BACH1: variants seen among roughly 807,000 people sequenced by gnomAD.
BACH1 encodes transcription regulator protein BACH1.
BACH1 carries 35 observed loss-of-function variants against 52.9 expected under a neutral mutation model. The ratio of observed to expected loss-of-function variants is 0.66; its 90% CI spans 0.51 to 0.88. The LOEUF (loss-of-function observed/expected upper bound fraction) is 0.88. BACH1 is among the 40% of genes least tolerant of loss of function. The pLI is 0.00. For missense variants in BACH1, 808 were observed against 872.6 expected (o/e 0.93, Z 0.93); for synonymous variants, 321 against 319.6 (o/e 1.00, Z -0.05).
At chr21:29,331,044 A>G (rs1019846628) in intron 4 of BACH1, among the ~76,000 whole-genome samples, 2 of 151,986 alleles carry the variant, frequency 1.3e-5, no homozygotes, top group African/African-American at 2.4e-5. Context: ...TTTCAATTCT[A>G]TAGTACTTAG....
chr21:29,349,106 A>T (rs1023994494), downstream of BACH1, among the ~76,000 whole-genome samples: 3 of 152,018 alleles, frequency 2.0e-5, no homozygotes, highest in Non-Finnish European at 2.9e-5. Flanking sequence ...AAAAAAAAAA[A>T]AAATCTATCT....
At chr21:29,316,689 T>C (rs576154929) in intron 1 of BACH1, among the ~76,000 whole-genome samples, 4 of 152,332 alleles carry the variant, frequency 2.6e-5, no homozygotes, top group African/African-American at 7.2e-5. Context: ...GGAGAAATGA[T>C]TTTCAGAACA....
chr21:29,324,655 A>G (rs2088889881), intron 2 of BACH1, among the ~76,000 whole-genome samples: 1 of 151,732 alleles, frequency 6.6e-6, no homozygotes, highest in Admixed American at 6.6e-5. Context: ...GGCTATCACA[A>G]ATAAAATTGC....
At chr21:29,321,723 A>G (rs1338741692) in intron 2 of BACH1, among the ~76,000 whole-genome samples, 2 of 149,916 alleles carry the variant, frequency 1.3e-5, no homozygotes, top group South Asian at 2.1e-4. Context: ...GCAGTTGGAT[A>G]TAACATAACA....
chr21:29,350,012 A>ACT (rs1304442066), downstream of BACH1, among the ~76,000 whole-genome samples: 2 of 151,980 alleles, frequency 1.3e-5, no homozygotes, highest in Non-Finnish European at 2.9e-5. Context: ...GCCTAAGGAG[A>ACT]CCAGTTAGGG....
chr21:29,327,373 G>C lies in BACH1; in HGVS notation c.1549G>C (p.Ala517Pro), dbSNP rs1193634295. The change falls in exon 3 of 5, where the codon GCC (alanine) becomes CCC (proline). Residue 517 changes from alanine to proline, a missense_variant. Physicochemically the swap from Ala to Pro is conservative, Grantham distance 27. Transcript: ENST00000286800. ...CGAAGGAGACAGTGAATCCTGTTCAGCCAGAGAACAAGAATGTGAGGTGAG... is the reference window on the plus strand; with the variant it reads ...CGAAGGAGACAGTGAATCCTGTTCACCCAGAGAACAAGAATGTGAGGTGAG... ...DTEGDSESCS[A>P]REQECEVKLP... The C allele has an allele frequency of 1.2e-6, 2 of 1,613,330 alleles. No homozygotes were observed. The highest frequency in any genetic ancestry group is 2.2e-5 in the South Asian group (2 of 91,046).
chr21:29,361,449 T>G (rs997800482), intron 2 of BACH1: 2 of 152,198 alleles, frequency 1.3e-5, no homozygotes, highest in Non-Finnish European at 2.9e-5. Context: ...TATTTTTTTT[T>G]GTCTAGCTTT....
At chr21:29,331,982 C>T (rs1287811136) in intron 4 of BACH1, among the ~76,000 whole-genome samples, 1 of 152,164 alleles carries the variant, frequency 6.6e-6, no homozygotes, top group Non-Finnish European at 1.5e-5. Context: ...CTCACTGCAA[C>T]TTCCGCTTCC....
At chr21:29,331,544 A>G (rs1040153165) in intron 4 of BACH1, among the ~76,000 whole-genome samples, 3 of 152,170 alleles carry the variant, frequency 2.0e-5, no homozygotes, top group African/African-American at 7.2e-5. Context: ...GATTATTGAT[A>G]TTGCTACTAA....
intron 1 of BACH1, among the ~76,000 whole-genome samples, chr21:29,302,966 G>A (rs1023409291): frequency 7.9e-5 from 12 of 152,172 alleles, no homozygotes; most frequent in African/African-American, 2.9e-4. Flanking sequence ...TGGCTTTTAC[G>A]AAATAAAAAC....
At chr21:29,302,814 T>G (rs1320481753) in intron 1 of BACH1, among the ~76,000 whole-genome samples, 1 of 152,200 alleles carries the variant, frequency 6.6e-6, no homozygotes, top group Non-Finnish European at 1.5e-5. Flanking sequence ...CGGGGAACAC[T>G]CTTATGTTAA....
chr21:29,319,608 C>G (rs1014411479), intron 1 of BACH1, among the ~76,000 whole-genome samples: 6 of 150,814 alleles, frequency 4.0e-5, no homozygotes, highest in African/African-American at 9.8e-5. Flanking sequence ...CTGTGTATTT[C>G]TACAGTGTTT....
At position 29,321,213 on chromosome 21, in the gene BACH1, G is replaced by A. The variant is rs1002002126; in HGVS notation, c.-60-8G>A. On this transcript the variant is annotated splice_polypyrimidine_tract_variant and splice_region_variant and intron_variant, in intron 1 of 4. Transcript: ENST00000286800. ...TATTTAAGTGAAATCTTGCATGTGT[G>A]TTTGCAGGTTGATGATAATTAGAAG... The A allele has an allele frequency of 2.1e-5, 28 of 1,307,524 alleles. No homozygotes were observed. Among genetic ancestry groups the A allele is most frequent in the Non-Finnish European group, 2.6e-5 (24 of 907,926 alleles). 81.0% of individuals were successfully genotyped at this position (1,307,524 alleles called of 1,614,324 possible).
chr21:29,339,889 G>C (rs1312406566), intron 4 of BACH1, among the ~76,000 whole-genome samples: 1 of 152,144 alleles, frequency 6.6e-6, no homozygotes, highest in Non-Finnish European at 1.5e-5. Context: ...GCCCACCTCA[G>C]CCTCCCAAAG....
chr21:29,311,569 A>G (rs763901573), intron 1 of BACH1, among the ~76,000 whole-genome samples: 1 of 152,074 alleles, frequency 6.6e-6, no homozygotes, highest in Non-Finnish European at 1.5e-5. Flanking sequence ...TTTACACCTC[A>G]GTTTATTTAT....
At chr21:29,354,985 A>G (rs2089224727) in intron 2 of BACH1, among the ~76,000 whole-genome samples, 2 of 152,208 alleles carry the variant, frequency 1.3e-5, no homozygotes, top group African/African-American at 4.8e-5. Context: ...GGAAGATCAG[A>G]AGCAAGCAAG....
chr21:29,310,060 A>C (rs938876664), intron 1 of BACH1, among the ~76,000 whole-genome samples: 1 of 152,168 alleles, frequency 6.6e-6, no homozygotes, highest in Non-Finnish European at 1.5e-5. Context: ...ATTTCTATAA[A>C]ATTTAATTTA....
chr21:29,325,392 G>A (rs573996512), intron 2 of BACH1, among the ~76,000 whole-genome samples: 6 of 152,258 alleles, frequency 3.9e-5, no homozygotes, highest in African/African-American at 1.4e-4. Flanking sequence ...ATGTAAATGT[G>A]CAAGTTTCTA....
intron 1 of BACH1, among the ~76,000 whole-genome samples, chr21:29,304,398 T>A (rs890284277): frequency 6.6e-6 from 1 of 152,192 alleles, no homozygotes; most frequent in African/African-American, 2.4e-5. Flanking sequence ...GTGCTGAGAT[T>A]ACAGGCGTGA....
Sources: gnomAD v4.1 joint callset for allele counts (sites outside exome capture counted in the v4.1 genomes callset) on GRCh38, gnomAD v4.1.1 for gene constraint, MANE v1.5 for transcripts, NCBI Gene and HGNC (gene_info 2026-07-23, HGNC 2026-07-21) for gene names.